Variants in NUP210L observed in about 807,000 individuals in gnomAD.
NUP210L encodes the protein nuclear pore membrane glycoprotein 210-like.
Under a neutral mutation model 208.5 loss-of-function variants are expected in NUP210L, and 74 were observed. That is an observed-to-expected ratio of 0.35 (90% confidence interval 0.29 to 0.43). NUP210L has a LOEUF of 0.43. Among genes scored for constraint, NUP210L ranks in the 20% least tolerant of loss-of-function variants. NUP210L has a pLI of 1.00. For missense variants in NUP210L, 1,843 were observed against 2,289.4 expected, an observed-to-expected ratio of 0.81 and a Z score of 3.98; for synonymous variants, 780 against 816.9, an observed-to-expected ratio of 0.95 and a Z score of 0.77.
chr1:154,089,896 G>A (rs1655816921), intron 15 of NUP210L, among the ~76,000 whole-genome samples: 1 of 151,964 alleles, frequency 6.6e-6, no homozygotes, highest in Non-Finnish European at 1.5e-5. Context: ...CCATCACATA[G>A]TAAGACCCCA....
chr1:154,033,947 G>T (rs1170000968), intron 27 of NUP210L, among the ~76,000 whole-genome samples: 1 of 151,742 alleles, frequency 6.6e-6, no homozygotes, highest in Non-Finnish European at 1.5e-5. Flanking sequence ...TTTTTGAGAT[G>T]GTGTCTAGCT....
intron 25 of NUP210L, among the ~76,000 whole-genome samples, chr1:154,048,415 T>C (rs927503699): frequency 2.6e-4 from 40 of 152,344 alleles, no homozygotes; most frequent in Non-Finnish European, 4.7e-4. Context: ...TTGAGCTTTT[T>C]CCTTTTAAAA....
At chr1:154,057,461 G>A (rs1411850764) in intron 22 of NUP210L, among the ~76,000 whole-genome samples, 1 of 151,932 alleles carries the variant, frequency 6.6e-6, no homozygotes, top group African/African-American at 2.4e-5. Flanking sequence ...GAGGAATAAG[G>A]GCAATATAAA....
At chr1:154,099,713 T>C (rs1448513037) in intron 14 of NUP210L, among the ~76,000 whole-genome samples, 2 of 152,244 alleles carry the variant, frequency 1.3e-5, no homozygotes, top group Non-Finnish European at 2.9e-5. Context: ...TTATGAACTT[T>C]TCTGTACATA....
chr1:154,055,164 TTTCTTTC>T (rs1553228958), intron 23 of NUP210L, among the ~76,000 whole-genome samples: 1 of 123,880 alleles, frequency 8.1e-6, no homozygotes, highest in African/African-American at 3.0e-5. Context: ...TCTTTCTTTC[TTTCTTTC>T]TTTCTTTCTT....
Position 154,063,265 on chromosome 1 carries a change from A to T in NUP210L, c.2555-1591T>A, listed in dbSNP as rs142101234. Among the ~76,000 whole-genome samples, 16 of 152,346 alleles carry T rather than the reference A, an allele frequency of 1.1e-4. No homozygotes were observed. The East Asian group carries it at 3.1e-3, about 29-fold the overall frequency. On this transcript the variant is annotated intron_variant, in intron 17 of 39. Coordinates refer to ENST00000368559, the Ensembl canonical transcript of NUP210L. The stretch of plus-strand genomic sequence containing the variant: ...GAATATAGAGGGACAGAAAACTCCT[A>T]GGTTTCCTAGAGGAAGATTTCAGCC...
At chr1:154,000,660 G>C (rs939476792) in intron 37 of NUP210L, among the ~76,000 whole-genome samples, 196 bp downstream of exon 37, 1 of 152,228 alleles carries the variant, frequency 6.6e-6, no homozygotes, top group Non-Finnish European at 1.5e-5. Context: ...GAGCAGGACA[G>C]TGTGAGATTT....
intron 17 of NUP210L, among the ~76,000 whole-genome samples, chr1:154,066,962 C>G (rs1264955371): frequency 6.6e-6 from 1 of 152,082 alleles, no homozygotes; most frequent in African/African-American, 2.4e-5. Flanking sequence ...AGTCTACCAA[C>G]CAAAAAAAGT....
intron 7 of NUP210L, among the ~76,000 whole-genome samples, chr1:154,134,069 G>A (rs953330225): frequency 9.3e-5 from 14 of 150,944 alleles, no homozygotes; most frequent in Non-Finnish European, 1.9e-4. Flanking sequence ...AGAATAACTC[G>A]AACCTGGGAG....
intron 16 of NUP210L, among the ~76,000 whole-genome samples, chr1:154,076,225 T>G (rs1304587677): frequency 1.3e-5 from 2 of 149,864 alleles, no homozygotes; most frequent in East Asian, 4.0e-4. Flanking sequence ...TGCCTCAGCC[T>G]CCCTAGTAGC....
At chr1:154,073,232 A>T (rs1195227273) in intron 16 of NUP210L, among the ~76,000 whole-genome samples, 1 of 152,184 alleles carries the variant, frequency 6.6e-6, no homozygotes, top group Non-Finnish European at 1.5e-5. Flanking sequence ...ATATCACCTT[A>T]CTGCTGCAAG....
At chr1:154,055,493 CACCTGCCT>C (rs1653814585) in intron 23 of NUP210L, among the ~76,000 whole-genome samples, 1 of 152,104 alleles carries the variant, frequency 6.6e-6, no homozygotes, top group Non-Finnish European at 1.5e-5. Context: ...TCAGGTGATC[CACCTGCCT>C]CAGCCTCCCA....
intron 35 of NUP210L, among the ~76,000 whole-genome samples, chr1:154,003,009 C>CTTT (rs34229994): frequency 7.5e-6 from 1 of 133,494 alleles, no homozygotes; most frequent in South Asian, 2.4e-4. Context: ...CCTTAGCTGT[C>CTTT]TTTTTTTTTT....
At position 154,127,302 on chromosome 1, in the gene NUP210L, C is replaced by T. The variant is rs143683264; in HGVS notation, c.1185+9G>A. The T allele has an allele frequency of 1.5e-4, 206 of 1,397,456 alleles. No individual in the cohort carries two copies. The East Asian group carries it at 3.7e-3, about 25-fold the overall frequency. The allele number at this position is 1,397,456 out of a possible 1,614,324, so 86.6% of individuals were successfully genotyped here. On this transcript the variant is annotated intron_variant, in intron 9 of 39. Transcript: ENST00000368559. ...AAGGAGCTCAGAAAAATAAAAAAGA[C>T]TGACTCACATCTGAAATATAGACCT...
chr1:154,075,817 T>G (rs1655002207), intron 16 of NUP210L, among the ~76,000 whole-genome samples: 1 of 149,690 alleles, frequency 6.7e-6, no homozygotes, highest in East Asian at 2.0e-4. Flanking sequence ...TGAGATGGAG[T>G]CTTACTTCAT....
intron 14 of NUP210L, among the ~76,000 whole-genome samples, chr1:154,096,195 G>T (rs1231446152): frequency 1.3e-5 from 2 of 152,092 alleles, no homozygotes; most frequent in Non-Finnish European, 2.9e-5. Flanking sequence ...GTTTTAAAAC[G>T]AAGTAGAGAG....
chr1:154,054,817 T>C (rs1653719025), exon 24 of NUP210L: 2 of 1,612,580 alleles, frequency 1.2e-6, no homozygotes, highest in Non-Finnish European at 1.7e-6. Flanking sequence ...GGAAGAAGTC[T>C]GAATGGAGGA....
intron 13 of NUP210L, 86 bp from the exon 14 acceptor site, chr1:154,100,229 T>G: frequency 3.2e-6 from 4 of 1,249,732 alleles, no homozygotes; most frequent in Non-Finnish European, 4.6e-6. Flanking sequence ...GCAGGAAGAT[T>G]GCTTGAGCTC....
intron 28 of NUP210L, 101 bp from the exon 29 acceptor site, chr1:154,027,698 A>G (rs564919816): frequency 5.3e-5 from 37 of 696,102 alleles, no homozygotes; most frequent in Non-Finnish European, 9.1e-5. Flanking sequence ...ACATGCAAAT[A>G]AATGACAACT....
Sources: gnomAD v4.1 joint callset for allele counts (sites outside exome capture counted in the v4.1 genomes callset) on GRCh38, gnomAD v4.1.1 for gene constraint, MANE v1.5 for transcripts, NCBI Gene and HGNC (gene_info 2026-07-23, HGNC 2026-07-21) for gene names.